Variants in ARHGAP18 observed in about 807,000 individuals in gnomAD.
ARHGAP18 encodes the protein rho GTPase-activating protein 18.
ARHGAP18 carries 67 observed loss-of-function variants against 86.2 expected under a neutral mutation model. The observed-to-expected ratio is 0.78, with a 90% CI of 0.64 to 0.95. The LOEUF (loss-of-function observed/expected upper bound fraction) is 0.95, where lower values mean the gene tolerates loss of function less well. Among genes scored for constraint, ARHGAP18 ranks in the 40% least tolerant of loss-of-function variants. The pLI, the probability that ARHGAP18 is intolerant of heterozygous loss-of-function variation, is 0.00. For synonymous variants in ARHGAP18, 283 were observed against 280.4 expected (o/e 1.01, Z -0.09); for missense variants, 691 against 780.4 (o/e 0.89, Z 1.37).
intron 1 of ARHGAP18, 67 bp downstream of exon 1, chr6:129,709,957 T>TC: frequency 7.5e-7 from 1 of 1,330,882 alleles, no homozygotes; most frequent in Non-Finnish European, 1.1e-6. Context: ...CACGCCAACT[T>TC]CCCTGTCACT....
intron 4 of ARHGAP18, among the ~76,000 whole-genome samples, chr6:129,631,582 T>C (rs1172092664): frequency 6.6e-6 from 1 of 152,172 alleles, no homozygotes; most frequent in Non-Finnish European, 1.5e-5. Flanking sequence ...ACCTTTTGGC[T>C]CTTAAGGTCC....
intron 1 of ARHGAP18, among the ~76,000 whole-genome samples, chr6:129,664,932 G>C (rs1774011108): frequency 6.6e-6 from 1 of 152,204 alleles, no homozygotes. Context: ...AATGAAATGG[G>C]GGAAGGGGAT....
intron 12 of ARHGAP18, among the ~76,000 whole-genome samples, chr6:129,589,348 AG>A (rs1178131634): frequency 6.6e-6 from 1 of 152,196 alleles, no homozygotes; most frequent in Admixed American, 6.5e-5. Context: ...ACAGATCTCT[AG>A]GGCAGAGTCA....
chr6:129,643,064 T>G (rs1174621233), intron 1 of ARHGAP18, among the ~76,000 whole-genome samples: 8 of 152,014 alleles, frequency 5.3e-5, no homozygotes. Context: ...ATATCTTACC[T>G]ACTTCTAAAA....
chr6:129,649,986 C>T (rs1481777855), intron 1 of ARHGAP18, among the ~76,000 whole-genome samples: 12 of 148,152 alleles, frequency 8.1e-5, no homozygotes, highest in Admixed American at 4.1e-4. Flanking sequence ...GATCTCGGCT[C>T]ACCACAACCT....
chr6:129,609,403 C>G (rs1788932086), intron 8 of ARHGAP18, among the ~76,000 whole-genome samples: 1 of 152,148 alleles, frequency 6.6e-6, no homozygotes, highest in African/African-American at 2.4e-5. Flanking sequence ...CTTCTGCCAG[C>G]CTTCTCGTTG....
rs1237019437 is a variant in ARHGAP18 at position 129,590,792 on chromosome 6, GGA to G, written c.1714-6682_1714-6681del. 4.6e-5 allele frequency among the ~76,000 whole-genome samples: 7 copies of G among 152,262 alleles called. No homozygotes were observed. In the East Asian group the frequency reaches 1.2e-3, roughly 25 times the overall value. ...CTAGAGAACCTGTATTCTACGGCAGGGAGAGAGAGTGTGTGTGTGGTTTGTGT... is the reference window on the plus strand; with the variant it reads ...CTAGAGAACCTGTATTCTACGGCAGGGAGAGAGTGTGTGTGTGGTTTGTGT... On this transcript the variant is annotated intron_variant, in intron 12 of 14. Coordinates refer to ENST00000368149, the MANE Select transcript of ARHGAP18 (RefSeq NM_033515.3).
rs767085630 is a variant in ARHGAP18, at chr6:129,638,427, G to A, written c.519C>T (p.Asp173=). ...NKQYQIPDVR[D]IFAQQRESKE... is the part of the protein sequence containing the mutation. ...TTGATTCTCTCTGTTGAGCAAATATGTCTCTGACGTCAGGAATCTGGTACT... is the reference window on the plus strand; with the variant it reads ...TTGATTCTCTCTGTTGAGCAAATATATCTCTGACGTCAGGAATCTGGTACT... The change falls in exon 3 of 15, where the codon GAC becomes GAT. Residue 173 remains aspartate (D), a synonymous_variant. Transcript: ENST00000368149. 6.2e-7 allele frequency: 1 copy of A among 1,614,086 alleles called. No individual in the cohort carries two copies. The highest frequency in any genetic ancestry group is 8.5e-7 in the Non-Finnish European group (1 of 1,179,990).
At chr6:129,705,937 C>T (rs1462462664) in intron 1 of ARHGAP18, among the ~76,000 whole-genome samples, 3 of 152,142 alleles carry the variant, frequency 2.0e-5, no homozygotes, top group Non-Finnish European at 4.4e-5. Flanking sequence ...GTTTATGTCA[C>T]CCCTGTGTAG....
chr6:129,595,637 C>T (rs1191534123), intron 12 of ARHGAP18, among the ~76,000 whole-genome samples: 1 of 152,144 alleles, frequency 6.6e-6, no homozygotes, highest in Non-Finnish European at 1.5e-5. Context: ...TCAGCAGTTC[C>T]CTGTCATGCA....
intron 11 of ARHGAP18, among the ~76,000 whole-genome samples, chr6:129,599,963 A>C (rs1407139125): frequency 6.6e-6 from 1 of 152,210 alleles, no homozygotes; most frequent in African/African-American, 2.4e-5. Flanking sequence ...TATTAAAAAA[A>C]CACATTTGAA....
intron 4 of ARHGAP18, among the ~76,000 whole-genome samples, chr6:129,630,718 A>C (rs1773184679): frequency 6.6e-6 from 1 of 152,208 alleles, no homozygotes; most frequent in Non-Finnish European, 1.5e-5. Context: ...TAGACTTCCC[A>C]GGCATGAGAC....
At chr6:129,631,272 G>C (rs368388519) in intron 4 of ARHGAP18, among the ~76,000 whole-genome samples, 1 of 151,998 alleles carries the variant, frequency 6.6e-6, no homozygotes, top group Non-Finnish European at 1.5e-5. Context: ...CTCCATGTCA[G>C]GGTTACAATA....
intron 1 of ARHGAP18, among the ~76,000 whole-genome samples, chr6:129,703,940 A>T (rs1262252574): frequency 6.6e-6 from 1 of 152,218 alleles, no homozygotes; most frequent in East Asian, 1.9e-4. Flanking sequence ...TTGCATTATA[A>T]AAACTCATTA....
At chr6:129,656,724 T>C (rs990260774) in intron 1 of ARHGAP18, among the ~76,000 whole-genome samples, 2 of 152,300 alleles carry the variant, frequency 1.3e-5, no homozygotes, top group Admixed American at 6.5e-5. Context: ...TTCCAGTCTT[T>C]TGCTATGCCT....
chr6:129,647,727 A>C (rs1773609693), intron 1 of ARHGAP18, among the ~76,000 whole-genome samples: 1 of 151,948 alleles, frequency 6.6e-6, no homozygotes, highest in Non-Finnish European at 1.5e-5. Context: ...TGACATATAA[A>C]CCATAATGAC....
chr6:129,590,211 C>T (rs1788482165), intron 12 of ARHGAP18, among the ~76,000 whole-genome samples: 1 of 152,148 alleles, frequency 6.6e-6, no homozygotes, highest in Non-Finnish European at 1.5e-5. Context: ...AGTTGACCCT[C>T]AATATTGAGT....
intron 1 of ARHGAP18, chr6:129,661,786 G>A: frequency 4.2e-6 from 3 of 707,650 alleles, no homozygotes; most frequent in Non-Finnish European, 5.2e-6. Context: ...TAACGTGCAG[G>A]GTATCCGTTC....
chr6:129,696,193 C>T (rs936652736), intron 1 of ARHGAP18, among the ~76,000 whole-genome samples: 1 of 152,206 alleles, frequency 6.6e-6, no homozygotes, highest in Non-Finnish European at 1.5e-5. Flanking sequence ...TAAAATACTG[C>T]ATCTGTGTCC....
Sources: gnomAD v4.1 joint callset for allele counts (sites outside exome capture counted in the v4.1 genomes callset) on GRCh38, gnomAD v4.1.1 for gene constraint, MANE v1.5 for transcripts, NCBI Gene and HGNC (gene_info 2026-07-23, HGNC 2026-07-21) for gene names.